RIMS2: variants seen among roughly 807,000 people sequenced by gnomAD.
RIMS2 encodes regulating synaptic membrane exocytosis protein 2.
In RIMS2, 59 loss-of-function variants were observed where a neutral mutation model predicts 174.4. That is an observed-to-expected ratio of 0.34 (90% confidence interval 0.27 to 0.42). The LOEUF (loss-of-function observed/expected upper bound fraction) is 0.42. RIMS2 is among the 10% of genes least tolerant of loss of function. The probability of loss-of-function intolerance (pLI) is 1.00; values close to 1 mark genes in which losing one functional copy is unlikely to be tolerated. For synonymous variants in RIMS2, 606 were observed against 572.5 expected (o/e 1.06, Z -0.84); for missense variants, 1,620 against 1,666.3 (o/e 0.97, Z 0.48).
chr8:103,787,223 C>A (rs2098452452), intron 3 of RIMS2, among the ~76,000 whole-genome samples: 1 of 150,334 alleles, frequency 6.7e-6, no homozygotes, highest in South Asian at 2.1e-4. Flanking sequence ...GACTCTTTAT[C>A]CAATTTGCCA....
At chr8:103,696,885 A>AAAAAAAAAAAAAAAAC (rs1554753422) in intron 1 of RIMS2, among the ~76,000 whole-genome samples, 1 of 136,836 alleles carries the variant, frequency 7.3e-6, no homozygotes. Flanking sequence ...AAAAAAAAAA[A>AAAAAAAAAAAAAAAAC]GAAGGTAGAA....
chr8:103,831,647 A>G (rs1006091785), intron 3 of RIMS2, among the ~76,000 whole-genome samples: 1 of 152,146 alleles, frequency 6.6e-6, no homozygotes, highest in African/African-American at 2.4e-5. Flanking sequence ...AGTATTAACT[A>G]CCATTTTGGG....
chr8:104,234,955 G>A (rs1408787254), intron 19 of RIMS2, among the ~76,000 whole-genome samples: 2 of 152,104 alleles, frequency 1.3e-5, no homozygotes, highest in Admixed American at 6.6e-5. Context: ...TTTTCGTGTG[G>A]GTTGGTCCAA....
chr8:103,634,118 T>G (rs545849828), intron 1 of RIMS2, among the ~76,000 whole-genome samples: 1 of 152,342 alleles, frequency 6.6e-6, no homozygotes, highest in Admixed American at 6.5e-5. Flanking sequence ...AGCTAGGTTG[T>G]TAATTTGAGA....
intron 1 of RIMS2, among the ~76,000 whole-genome samples, chr8:103,608,733 G>T (rs890135215): frequency 7.2e-5 from 11 of 152,132 alleles, no homozygotes; most frequent in Non-Finnish European, 1.5e-4. Flanking sequence ...CGCAGTATTC[G>T]GGTGGGAGTG....
chr8:104,196,894 A>T (rs1253742185), intron 19 of RIMS2, among the ~76,000 whole-genome samples: 1 of 152,206 alleles, frequency 6.6e-6, no homozygotes, highest in Non-Finnish European at 1.5e-5. Flanking sequence ...AAAAGTTTAT[A>T]AACTTCTATC....
intron 1 of RIMS2, among the ~76,000 whole-genome samples, chr8:103,569,321 T>C (rs2092628225): frequency 6.6e-6 from 1 of 152,158 alleles, no homozygotes; most frequent in Admixed American, 6.5e-5. Context: ...CTTTGCACCT[T>C]TGTCAAAAAT....
At chr8:104,081,099 T>C (rs972060299) in intron 19 of RIMS2, among the ~76,000 whole-genome samples, 1 of 151,970 alleles carries the variant, frequency 6.6e-6, no homozygotes, top group Admixed American at 6.6e-5. Context: ...ACTTACTACC[T>C]CAATATAACT....
intron 3 of RIMS2, among the ~76,000 whole-genome samples, chr8:103,872,521 G>A (rs1305633322): frequency 2.0e-5 from 3 of 152,132 alleles, no homozygotes; most frequent in Non-Finnish European, 2.9e-5. Context: ...CATGTAAAAA[G>A]AAGTCTGGAG....
chr8:103,933,346 AGTGGTGGC>A (rs2080452381), intron 12 of RIMS2, among the ~76,000 whole-genome samples: 1 of 128,466 alleles, frequency 7.8e-6, no homozygotes. Flanking sequence ...ATTAGCCAGG[AGTGGTGGC>A]AGGTGCCTGT....
chr8:103,645,736 ATT>A (rs1394409598), intron 1 of RIMS2, among the ~76,000 whole-genome samples: 1 of 152,240 alleles, frequency 6.6e-6, no homozygotes, highest in Non-Finnish European at 1.5e-5. Context: ...AGTGATCTAT[ATT>A]GGGCCAGTCT....
At chr8:103,615,214 A>G (rs1257792539) in intron 1 of RIMS2, among the ~76,000 whole-genome samples, 1 of 152,226 alleles carries the variant, frequency 6.6e-6, no homozygotes, top group African/African-American at 2.4e-5. Context: ...TAAAAATAGA[A>G]GTCAAGACTA....
intron 19 of RIMS2, among the ~76,000 whole-genome samples, chr8:104,155,087 TTTTTGTTTTTTGTTGTTTTTG>T: frequency 6.6e-6 from 1 of 151,970 alleles, no homozygotes; most frequent in Non-Finnish European, 1.5e-5. Context: ...GTGTTAGTTT[TTTTTGTTTTTTGTTGTTTTTG>T]TTTTGTTTTG....
At chr8:103,526,599 A>G (rs1329186673) in intron 1 of RIMS2, among the ~76,000 whole-genome samples, 1 of 152,226 alleles carries the variant, frequency 6.6e-6, no homozygotes, top group African/African-American at 2.4e-5. Flanking sequence ...AGCACTATAC[A>G]TCATGAAAAT....
At chr8:103,528,475 G>A (rs978940596) in intron 1 of RIMS2, among the ~76,000 whole-genome samples, 4 of 152,152 alleles carry the variant, frequency 2.6e-5, no homozygotes, top group Non-Finnish European at 5.9e-5. Context: ...CCATGCCTAT[G>A]TCCTGAATGG....
intron 3 of RIMS2, among the ~76,000 whole-genome samples, chr8:103,852,578 G>A (rs756733430): frequency 3.3e-5 from 5 of 151,732 alleles, no homozygotes; most frequent in African/African-American, 4.8e-5. Context: ...CTCAAGTGCA[G>A]CACAGTGTCT....
At chr8:103,949,516 A>G (rs2084795958) in intron 14 of RIMS2, among the ~76,000 whole-genome samples, 1 of 152,218 alleles carries the variant, frequency 6.6e-6, no homozygotes, top group Non-Finnish European at 1.5e-5. Context: ...AATATTTATA[A>G]ATGAAATAAC....
chr8:103,958,968 A>C (rs2088740784), intron 14 of RIMS2, among the ~76,000 whole-genome samples: 1 of 152,144 alleles, frequency 6.6e-6, no homozygotes, highest in South Asian at 2.1e-4. Context: ...ACGCATCCAA[A>C]AAGGAAAATC....
chr8:103,593,932 G>C (rs2094378997), intron 1 of RIMS2, among the ~76,000 whole-genome samples: 1 of 151,174 alleles, frequency 6.6e-6, no homozygotes, highest in South Asian at 2.1e-4. Context: ...AATATGAAGG[G>C]GTTCTGAGAC....
Sources: gnomAD v4.1 joint callset for allele counts (sites outside exome capture counted in the v4.1 genomes callset) on GRCh38, gnomAD v4.1.1 for gene constraint, MANE v1.5 for transcripts, NCBI Gene and HGNC (gene_info 2026-07-23, HGNC 2026-07-21) for gene names.